BICD1: variants seen among roughly 807,000 people sequenced by gnomAD.
BICD1 encodes BICD cargo adaptor 1, also known as protein bicaudal D homolog 1.
BICD1 carries 35 observed loss-of-function variants against 92.5 expected under a neutral mutation model. The observed-to-expected ratio is 0.38, with a 90% CI of 0.29 to 0.50. The LOEUF (loss-of-function observed/expected upper bound fraction) is 0.50, where lower values mean the gene tolerates loss of function less well. BICD1 is among the 20% of genes least tolerant of loss of function. BICD1 has a pLI of 0.93. For missense variants in BICD1, 950 were observed against 1,189.8 expected, an observed-to-expected ratio of 0.80 and a Z score of 2.97; for synonymous variants, 429 against 465.1, an observed-to-expected ratio of 0.92 and a Z score of 1.00.
At chr12:32,158,582 T>G in intron 1 of BICD1, among the ~76,000 whole-genome samples, 1 of 152,272 alleles carries the variant, frequency 6.6e-6, no homozygotes. Flanking sequence ...CTTGGAACTC[T>G]GAAGGTGGCA....
intron 1 of BICD1, among the ~76,000 whole-genome samples, chr12:32,165,044 A>T (rs913691225): frequency 6.6e-6 from 1 of 152,210 alleles, no homozygotes. Context: ...AAGATCCAGA[A>T]GGGACCATGA....
At chr12:32,226,115 T>C (rs2121576147) in intron 2 of BICD1, among the ~76,000 whole-genome samples, 1 of 152,306 alleles carries the variant, frequency 6.6e-6, no homozygotes, top group East Asian at 1.9e-4. Flanking sequence ...TTTCTTTTCC[T>C]AGGTAAGTTT....
intron 2 of BICD1, among the ~76,000 whole-genome samples, chr12:32,228,349 G>A (rs572071290): frequency 4.2e-4 from 64 of 151,920 alleles, no homozygotes; most frequent in Admixed American, 2.8e-3. Context: ...GTTTGTGTAG[G>A]TCTATTTCTG....
chr12:32,160,622 T>C (rs1246500342), intron 1 of BICD1, among the ~76,000 whole-genome samples: 3 of 152,196 alleles, frequency 2.0e-5, no homozygotes, highest in Non-Finnish European at 4.4e-5. Context: ...TCATCTGATA[T>C]GAAAATCTGA....
chr12:32,289,921 T>C (rs1464857524), intron 2 of BICD1, among the ~76,000 whole-genome samples: 1 of 152,250 alleles, frequency 6.6e-6, no homozygotes, highest in Non-Finnish European at 1.5e-5. Context: ...AAGACTTCTA[T>C]GTTGACACTT....
At chr12:32,348,187 A>T (rs76253612) in intron 8 of BICD1, among the ~76,000 whole-genome samples, 9,400 of 152,232 alleles carry the variant, frequency 0.062, 406 homozygotes, top group Middle Eastern at 0.13. Flanking sequence ...AAAAGATTTC[A>T]TATTCAAAAC....
At chr12:32,126,928 C>G (rs548735851) in intron 1 of BICD1, among the ~76,000 whole-genome samples, 4 of 152,200 alleles carry the variant, frequency 2.6e-5, no homozygotes, top group Non-Finnish European at 5.9e-5. Context: ...TCAGTATTTA[C>G]AGGCATTTAT....
rs571238659 is a variant in BICD1, at chr12:32,147,393, C to T, written c.213+39849C>T. Among the ~76,000 whole-genome samples, 67 of 152,168 alleles carry T rather than the reference C, an allele frequency of 4.4e-4. 1 individual carries two copies. The highest frequency in any genetic ancestry group is 1.4e-3 in the African/African-American group (57 of 41,454). The stretch of plus-strand genomic sequence containing the variant: ...TTTCACTGAAAGGTCGTTCAGGTGG[C>T]GGTGGTGGATTTTTTTCCCTTAGCC... On this transcript the variant is annotated intron_variant, in intron 1 of 9. Transcript: ENST00000652176.
rs1350041176 is a variant in BICD1 at position 32,380,061 on chromosome 12, C to T, written c.*2434C>T. The T allele has an allele frequency of 6.6e-6, 1 of 152,120 alleles. No individual in the cohort carries two copies. Among genetic ancestry groups the T allele is most frequent in the Non-Finnish European group, 1.5e-5 (1 of 68,022 alleles). 9.4% of individuals were successfully genotyped at this position (152,120 alleles called of 1,614,324 possible). On this transcript the variant is annotated 3_prime_UTR_variant, in exon 10 of 10. Coordinates refer to ENST00000652176, the MANE Select transcript of BICD1 (RefSeq NM_001714.4). ...AGTGGGAAAGTCTTTTTCTGAAATA[C>T]TAATTCTATGAAAATAATAATTTTA...
At chr12:32,354,845 TTTTATATATAATATTTC>T (rs1345095640) in intron 8 of BICD1, among the ~76,000 whole-genome samples, 2 of 152,216 alleles carry the variant, frequency 1.3e-5, no homozygotes, top group African/African-American at 4.8e-5. Context: ...CATGCTCTTC[TTTTATATATAATATTTC>T]TTTCTCAGTT....
At position 32,138,018 on chromosome 12, in the gene BICD1, C is replaced by T. The variant is rs574964905; in HGVS notation, c.213+30474C>T. Among the ~76,000 whole-genome samples, 13 of 152,168 alleles carry T rather than the reference C, an allele frequency of 8.5e-5. No individual in the cohort carries two copies. In the South Asian group the frequency reaches 1.9e-3, roughly 22 times the overall value. ...TTTGCTATGTTGGCCAAGCTGGTCT[C>T]GGACTCCTGAGCTTAGGCAATCCGC... On this transcript the variant is annotated intron_variant, in intron 1 of 9. Coordinates refer to ENST00000652176, the MANE Select transcript of BICD1 (RefSeq NM_001714.4).
intron 1 of BICD1, among the ~76,000 whole-genome samples, chr12:32,161,500 A>G (rs895535071): frequency 6.6e-6 from 1 of 152,138 alleles, no homozygotes; most frequent in East Asian, 1.9e-4. Flanking sequence ...ACCAGTTTCA[A>G]TTTGTCTTTA....
intron 2 of BICD1, among the ~76,000 whole-genome samples, chr12:32,218,176 C>T (rs1182661029): frequency 9.2e-5 from 14 of 152,170 alleles, no homozygotes; most frequent in Non-Finnish European, 1.5e-5. Context: ...CTTACACAGC[C>T]ACGCTTGAAG....
In BICD1 at chr12:32,367,565, G is replaced by C; in HGVS notation, c.2765-105G>C. The C allele has an allele frequency of 3.0e-6, 3 of 1,007,594 alleles. No homozygotes were observed. The East Asian group carries it at 7.4e-5, about 25-fold the overall frequency. 62.4% of individuals were successfully genotyped at this position (1,007,594 alleles called of 1,614,324 possible). A position where few individuals can be genotyped will look rare whatever the true frequency, so the allele number is the denominator to read the frequency against. ...TGAATCAGGATATTTCTGTGTGAAT[G>C]CACATTCCTCACTAAATCTCTCAGG... On this transcript the variant is annotated intron_variant, in intron 8 of 9. Coordinates refer to ENST00000652176, the MANE Select transcript of BICD1 (RefSeq NM_001714.4).
At chr12:32,241,711 T>G (rs1946239578) in intron 2 of BICD1, among the ~76,000 whole-genome samples, 1 of 151,990 alleles carries the variant, frequency 6.6e-6, no homozygotes, top group Admixed American at 6.6e-5. Flanking sequence ...ATAACTAGAG[T>G]TAGTGCTCTG....
intron 2 of BICD1, among the ~76,000 whole-genome samples, chr12:32,255,271 A>G (rs1473930743): frequency 6.6e-6 from 1 of 152,100 alleles, no homozygotes; most frequent in African/African-American, 2.4e-5. Flanking sequence ...TCATAGCCTC[A>G]TCCAATCCCA....
intron 1 of BICD1, among the ~76,000 whole-genome samples, chr12:32,132,308 C>T (rs192142904): frequency 2.6e-5 from 4 of 151,478 alleles, no homozygotes; most frequent in East Asian, 2.0e-4. Flanking sequence ...CCCAGCTACT[C>T]AGGAGGCTGA....
chr12:32,186,043 T>A (rs77393761), intron 1 of BICD1, among the ~76,000 whole-genome samples: 1 of 152,314 alleles, frequency 6.6e-6, no homozygotes, highest in African/African-American at 2.4e-5. Context: ...AGCCTGTCTC[T>A]CCAAATTGCT....
intron 2 of BICD1, among the ~76,000 whole-genome samples, chr12:32,223,850 G>A (rs1405087149): frequency 6.6e-6 from 1 of 152,138 alleles, no homozygotes; most frequent in Admixed American, 6.6e-5. Context: ...CTTATGTCAG[G>A]GAATAGGAAG....
Sources: gnomAD v4.1 joint callset for allele counts (sites outside exome capture counted in the v4.1 genomes callset) on GRCh38, gnomAD v4.1.1 for gene constraint, MANE v1.5 for transcripts, NCBI Gene and HGNC (gene_info 2026-07-23, HGNC 2026-07-21) for gene names.